Variants in SIPA1L1 observed in about 807,000 individuals in gnomAD.
SIPA1L1 encodes signal induced proliferation associated 1 like 1.
In SIPA1L1, 26 loss-of-function variants were observed where a neutral mutation model predicts 162.7. The ratio of observed to expected loss-of-function variants is 0.16; its 90% confidence interval spans 0.12 to 0.22. The LOEUF is 0.22. SIPA1L1 is among the 10% of genes least tolerant of loss of function. The pLI, the probability that SIPA1L1 is intolerant of heterozygous loss-of-function variation, is 1.00. For synonymous variants in SIPA1L1, 829 were observed against 837.4 expected (o/e 0.99, Z 0.17); for missense variants, 1,874 against 2,241.0 (o/e 0.84, Z 3.31).
intron 5 of SIPA1L1, among the ~76,000 whole-genome samples, chr14:71,613,450 T>G (rs549111441): frequency 6.6e-6 from 1 of 151,912 alleles, no homozygotes. Flanking sequence ...TCTAATATGG[T>G]GATTGCTGTA....
intron 2 of SIPA1L1, among the ~76,000 whole-genome samples, chr14:71,360,437 G>A (rs2037699820): frequency 6.6e-6 from 1 of 152,170 alleles, no homozygotes; most frequent in African/African-American, 2.4e-5. Context: ...CACACAGCTA[G>A]TTAACGGCAG....
intron 6 of SIPA1L1, among the ~76,000 whole-genome samples, chr14:71,621,951 T>C (rs2148555840): frequency 6.6e-6 from 1 of 152,344 alleles, no homozygotes; most frequent in South Asian, 2.1e-4. Context: ...ATGGTAATAT[T>C]GTATTAAGAC....
At chr14:71,700,431 G>T (rs538987268) in intron 14 of SIPA1L1, among the ~76,000 whole-genome samples, 1 of 152,264 alleles carries the variant, frequency 6.6e-6, no homozygotes, top group South Asian at 2.1e-4. Context: ...TTTTAAAAAA[G>T]TCTTAATACA....
chr14:71,484,621 T>G (rs991481030), intron 2 of SIPA1L1, among the ~76,000 whole-genome samples: 31 of 152,168 alleles, frequency 2.0e-4, no homozygotes, highest in African/African-American at 6.5e-4. Flanking sequence ...ATTATTAGAA[T>G]CAGGATTGAA....
intron 13 of SIPA1L1, among the ~76,000 whole-genome samples, chr14:71,685,893 G>A (rs17096847): frequency 0.031 from 4,663 of 152,268 alleles, 129 homozygotes; most frequent in African/African-American, 0.062. Flanking sequence ...ATCAACAGAC[G>A]TCGTTACTGC....
intron 7 of SIPA1L1, among the ~76,000 whole-genome samples, chr14:71,645,827 C>G (rs1029593379): frequency 2.6e-5 from 4 of 152,198 alleles, no homozygotes; most frequent in African/African-American, 9.7e-5. Flanking sequence ...TCACTCCCCA[C>G]AAGAAGGTTC....
rs139146694 is a variant in SIPA1L1 at position 71,462,260 on chromosome 14, A to T, written c.-464-50483A>T. Among the ~76,000 whole-genome samples, 467 of 152,282 alleles carry T rather than the reference A, an allele frequency of 3.1e-3. 3 individuals carry two copies. The highest frequency in any genetic ancestry group is 0.017 in the Middle Eastern group (5 of 294). ...GCAGAGCCTTGCTCCAAAATCCTAG[A>T]GGCCTCCTCTGTGATTCACCTATGG... On this transcript the variant is annotated intron_variant, in intron 2 of 23. Coordinates refer to ENST00000381232, the MANE Select transcript of SIPA1L1 (RefSeq NM_001386936.1).
chr14:71,421,221 C>G (rs954956483), intron 2 of SIPA1L1, among the ~76,000 whole-genome samples: 2 of 152,146 alleles, frequency 1.3e-5, no homozygotes, highest in Non-Finnish European at 2.9e-5. Context: ...ATTTACTCTT[C>G]TTCAATTAGT....
intron 2 of SIPA1L1, among the ~76,000 whole-genome samples, chr14:71,456,059 T>G (rs1241283137): frequency 6.6e-6 from 1 of 152,232 alleles, no homozygotes; most frequent in Admixed American, 6.5e-5. Flanking sequence ...TTATTTCACA[T>G]GCAATATCAT....
At chr14:71,722,623 G>A (rs2083849317) in intron 17 of SIPA1L1, among the ~76,000 whole-genome samples, 1 of 152,172 alleles carries the variant, frequency 6.6e-6, no homozygotes, top group African/African-American at 2.4e-5. Flanking sequence ...TTTAACATGA[G>A]TTTTAGTCAA....
chr14:71,396,834 A>C (rs547097480), intron 2 of SIPA1L1, among the ~76,000 whole-genome samples: 1 of 152,240 alleles, frequency 6.6e-6, no homozygotes, highest in South Asian at 2.1e-4. Flanking sequence ...TAACAAGAGC[A>C]TTAAAATTAG....
chr14:71,484,275 CTT>C (rs779789523), intron 2 of SIPA1L1, among the ~76,000 whole-genome samples: 14 of 119,046 alleles, frequency 1.2e-4, no homozygotes, highest in Non-Finnish European at 1.5e-4. Flanking sequence ...AGTTGGACAG[CTT>C]TTTTTTTTTT....
chr14:71,680,680 C>T (rs1463727203), intron 12 of SIPA1L1, among the ~76,000 whole-genome samples: 1 of 152,094 alleles, frequency 6.6e-6, no homozygotes, highest in African/African-American at 2.4e-5. Context: ...GGATAGATCA[C>T]TAGCAAGACT....
rs546833156 is a variant in SIPA1L1 at position 71,392,348 on chromosome 14, T to C, written c.-465+71167T>C. On this transcript the variant is annotated intron_variant, in intron 2 of 23. Transcript: ENST00000381232. Reference sequence around the variant, plus strand: ...CTTGTTTGTTCTAGTGGTAGTGAAGTCCTTGCATAATGTGATTTCTTGCCT... The same window carrying C: ...CTTGTTTGTTCTAGTGGTAGTGAAGCCCTTGCATAATGTGATTTCTTGCCT... Among the ~76,000 whole-genome samples the C allele has an allele frequency of 1.3e-3, 194 of 152,318 alleles. 1 individual carries two copies. The highest frequency in any genetic ancestry group is 4.3e-3 in the African/African-American group (177 of 41,572).
chr14:71,507,773 T>G (rs538656612), intron 2 of SIPA1L1, among the ~76,000 whole-genome samples: 3 of 152,314 alleles, frequency 2.0e-5, no homozygotes, highest in African/African-American at 7.2e-5. Flanking sequence ...TTCTTTCATT[T>G]TAACATATGT....
At chr14:71,558,104 A>G (rs535462635) in intron 4 of SIPA1L1, among the ~76,000 whole-genome samples, 2 of 152,214 alleles carry the variant, frequency 1.3e-5, no homozygotes, top group African/African-American at 4.8e-5. Context: ...ATACTCTTAC[A>G]TCATATGTTT....
At chr14:71,526,424 TA>T (rs1475628227) in intron 3 of SIPA1L1, among the ~76,000 whole-genome samples, 1 of 152,334 alleles carries the variant, frequency 6.6e-6, no homozygotes, top group East Asian at 1.9e-4. Context: ...CTGAACTTTA[TA>T]AAACAGAATC....
chr14:71,634,665 G>A (rs1188849153), intron 7 of SIPA1L1, among the ~76,000 whole-genome samples: 3 of 152,044 alleles, frequency 2.0e-5, no homozygotes, highest in African/African-American at 4.8e-5. Flanking sequence ...GGCCGGGCGC[G>A]GTGGCTCACG....
intron 3 of SIPA1L1, among the ~76,000 whole-genome samples, chr14:71,516,292 C>CA (rs2051721409): frequency 6.6e-6 from 1 of 152,188 alleles, no homozygotes. Flanking sequence ...TAAATACATA[C>CA]ATATTTAAAC....
Sources: gnomAD v4.1 joint callset for allele counts (sites outside exome capture counted in the v4.1 genomes callset) on GRCh38, gnomAD v4.1.1 for gene constraint, MANE v1.5 for transcripts, NCBI Gene and HGNC (gene_info 2026-07-23, HGNC 2026-07-21) for gene names.